The following STAM variants were observed in gnomAD, a reference collection of about 807,000 sequenced individuals.
STAM encodes signal transducing adapter molecule 1.
In STAM, 16 loss-of-function variants were observed where a neutral mutation model predicts 63.4. The observed-to-expected ratio is 0.25, with a 90% CI of 0.17 to 0.38. STAM has a LOEUF of 0.38. Among genes scored for constraint, STAM ranks in the 10% least tolerant of loss-of-function variants. The probability of loss-of-function intolerance (pLI) is 1.00; values close to 1 mark genes in which losing one functional copy is unlikely to be tolerated. For missense variants in STAM, 636 were observed against 657.1 expected, an observed-to-expected ratio of 0.97 and a Z score of 0.35; for synonymous variants, 238 against 223.9, an observed-to-expected ratio of 1.06 and a Z score of -0.56.
At chr10:17,687,894 T>C (rs1440975391) in intron 4 of STAM, 133 bp from the exon 5 acceptor site, 2 of 625,126 alleles carry the variant, frequency 3.2e-6, no homozygotes, top group Non-Finnish European at 4.8e-6. Flanking sequence ...CGAATAACTA[T>C]ATTTTCTTGT....
chr10:17,660,242 A>G (rs572239564), intron 1 of STAM, among the ~76,000 whole-genome samples: 22 of 152,182 alleles, frequency 1.4e-4, no homozygotes, highest in Non-Finnish European at 3.1e-4. Flanking sequence ...TTTATTTTAT[A>G]CTAAGTAAAG....
Position 17,715,087 on chromosome 10 carries a change from G to A in STAM, c.*307G>A, listed in dbSNP as rs1836757065. ...GCAGAAAGTCAAACTTACAAAAACT[G>A]TTGTGACAAATGTTATGTACATATA... On this transcript the variant is annotated 3_prime_UTR_variant, in exon 14 of 14. Coordinates refer to ENST00000377524, the MANE Select transcript of STAM (RefSeq NM_003473.4). 1.3e-5 allele frequency: 5 copies of A among 370,506 alleles called. No individual in the cohort carries two copies. The Admixed American group carries it at 1.6e-4, about 12-fold the overall frequency. The allele number at this position is 370,506 out of a possible 1,614,324, so 23.0% of individuals were successfully genotyped here.
intron 2 of STAM, among the ~76,000 whole-genome samples, chr10:17,668,633 CTT>C (rs1834499200): frequency 6.6e-6 from 1 of 152,184 alleles, no homozygotes; most frequent in Admixed American, 6.5e-5. Context: ...TCCTTCCTCT[CTT>C]TGCACTTTAA....
In STAM at chr10:17,688,140, A is replaced by G. The variant is rs192113928; in HGVS notation, c.411A>G (p.Glu137=). The change falls in exon 5 of 14, where the codon GAA becomes GAG. Residue 137 remains glutamate, a synonymous_variant. Coordinates refer to ENST00000377524, the MANE Select transcript of STAM (RefSeq NM_003473.4). ...CAGCAATGATTAAGAACCTTAAGGA[A>G]CAAGGAGTTACGTTCCCAGCTATTG... is the stretch of plus-strand genomic sequence containing the variant. ...LISAMIKNLK[E]QGVTFPAIGS... is the part of the protein sequence containing the mutation. The G allele has an allele frequency of 4.0e-4, 639 of 1,585,670 alleles. 13 individuals carry two copies. The East Asian group carries it at 0.014, about 36-fold the overall frequency.
At chr10:17,666,555 C>T (rs1564537589) in intron 2 of STAM, among the ~76,000 whole-genome samples, 2 of 152,008 alleles carry the variant, frequency 1.3e-5, no homozygotes, top group Non-Finnish European at 2.9e-5. Context: ...CCACCATGCC[C>T]AGCTAATTTT....
At chr10:17,666,743 G>A (rs987451111) in intron 2 of STAM, among the ~76,000 whole-genome samples, 1 of 152,052 alleles carries the variant, frequency 6.6e-6, no homozygotes, top group Non-Finnish European at 1.5e-5. Context: ...GACTATTTCC[G>A]GCCTTCAGTA....
intron 9 of STAM, among the ~76,000 whole-genome samples, chr10:17,701,788 G>A (rs868943869): frequency 5.9e-5 from 9 of 152,052 alleles, no homozygotes; most frequent in African/African-American, 1.7e-4. Flanking sequence ...CCGCTTGCCC[G>A]TAGTGAAGAT....
intron 2 of STAM, among the ~76,000 whole-genome samples, chr10:17,673,639 A>C (rs1834729529): frequency 6.6e-6 from 1 of 152,218 alleles, no homozygotes; most frequent in Non-Finnish European, 1.5e-5. Context: ...AGCAGCCCTC[A>C]TGATGGGGAG....
intron 2 of STAM, among the ~76,000 whole-genome samples, chr10:17,677,243 A>G (rs72782505): frequency 0.13 from 19,123 of 152,162 alleles, 1,610 homozygotes; most frequent in Non-Finnish European, 0.18. Context: ...GTTTCATTTC[A>G]ACACCCCTTT....
chr10:17,715,108 A>G lies in STAM; in HGVS notation c.*328A>G, dbSNP rs546662543. The G allele has an allele frequency of 9.5e-6, 3 of 317,418 alleles. No homozygotes were observed. In the South Asian group the frequency reaches 1.0e-4, roughly 11 times the overall value. 19.7% of individuals were successfully genotyped at this position (317,418 alleles called of 1,614,324 possible). A position where few individuals can be genotyped will look rare whatever the true frequency, so the allele number is the denominator to read the frequency against. ...AACTGTTGTGACAAATGTTATGTAC[A>G]TATATTGATATGTAACTGCATTAGT... On this transcript the variant is annotated 3_prime_UTR_variant, in exon 14 of 14. Transcript: ENST00000377524.
At chr10:17,707,192 G>A (rs1349546131) in intron 12 of STAM, among the ~76,000 whole-genome samples, 1 of 151,978 alleles carries the variant, frequency 6.6e-6, no homozygotes, top group African/African-American at 2.4e-5. Context: ...GGTGGATCAC[G>A]AGGTCAGGAG....
Position 17,696,804 on chromosome 10 carries a change from A to T in STAM, c.758A>T (p.His253Leu). ...CCTAACTGGTGGAAAGGTGAAACCC[A>T]TCAAGGCATAGGGTTATTTCCTTCT... ...SDPNWWKGET[H>L]QGIGLFPSNF... The change falls in exon 8 of 14, where the codon CAT becomes CTT. Residue 253 changes from histidine to leucine, a missense_variant. Physicochemically the swap from His to Leu is moderately conservative, Grantham distance 99. This residue lies in a region of STAM where 532 missense variants were observed against 536.9 expected (regional missense o/e 0.99). Transcript: ENST00000377524. 6.2e-7 allele frequency: 1 copy of T among 1,613,972 alleles called. No homozygotes were observed. The highest frequency in any genetic ancestry group is 1.6e-4 in the Middle Eastern group (1 of 6,062).
chr10:17,695,355 C>T (rs1360022336), intron 7 of STAM, 114 bp downstream of exon 7: 2 of 998,832 alleles, frequency 2.0e-6, no homozygotes, highest in Non-Finnish European at 2.9e-6. Context: ...GACCCAGATG[C>T]TGCTCTGTAT....
At chr10:17,679,760 C>G (rs975606973) in intron 2 of STAM, among the ~76,000 whole-genome samples, 1 of 138,304 alleles carries the variant, frequency 7.2e-6, no homozygotes, top group Admixed American at 7.3e-5. Context: ...AGTTTCTTTT[C>G]TTTTTTCTTT....
At chr10:17,658,604 G>A (rs1001363567) in intron 1 of STAM, among the ~76,000 whole-genome samples, 15 of 151,978 alleles carry the variant, frequency 9.9e-5, no homozygotes, top group Non-Finnish European at 1.8e-4. Flanking sequence ...TCCACCTCCC[G>A]GGTTTGAGTG....
At chr10:17,692,995 G>A (rs1835606063) in intron 5 of STAM, among the ~76,000 whole-genome samples, 1 of 151,962 alleles carries the variant, frequency 6.6e-6, no homozygotes, top group Admixed American at 6.6e-5. Context: ...CACAAACCTG[G>A]GAGGGTGTGC....
rs140477116 is a variant in STAM at position 17,658,231 on chromosome 10, T to G, written c.41-2233T>G. On this transcript the variant is annotated intron_variant, in intron 1 of 13. Transcript: ENST00000377524. ...TTACTCTTGTTTAAAAGTGTGTTAG[T>G]CTCCATGTACTTTGGGATTTTCCAG... is the stretch of plus-strand genomic sequence containing the variant. Among the ~76,000 whole-genome samples the G allele has an allele frequency of 4.6e-3, 699 of 152,256 alleles. 6 individuals are homozygous for G. Among genetic ancestry groups the G allele is most frequent in the African/African-American group, 0.016 (676 of 41,550 alleles).
intron 2 of STAM, among the ~76,000 whole-genome samples, chr10:17,664,703 A>G (rs528321654): frequency 1.3e-5 from 2 of 152,292 alleles, no homozygotes; most frequent in South Asian, 2.1e-4. Context: ...AAATTCAGGT[A>G]GAGTCTTTTG....
chr10:17,713,649 G>A (rs1274801804), intron 13 of STAM, among the ~76,000 whole-genome samples: 1 of 152,016 alleles, frequency 6.6e-6, no homozygotes, highest in Non-Finnish European at 1.5e-5. Context: ...ATATTTTGAA[G>A]GCATTATCTT....
Sources: gnomAD v4.1 joint callset for allele counts (sites outside exome capture counted in the v4.1 genomes callset) on GRCh38, gnomAD v4.1.1 for gene constraint, gnomAD v4.1.1 regional missense constraint, MANE v1.5 for transcripts, NCBI Gene and HGNC (gene_info 2026-07-23, HGNC 2026-07-21) for gene names.